Variants in RSU1 observed in about 807,000 individuals in gnomAD.
RSU1 encodes the protein Ras suppressor protein 1.
A neutral mutation model predicts 31.1 loss-of-function variants in RSU1; 26 were observed. That is an observed-to-expected ratio of 0.84 (90% CI 0.61 to 1.16). RSU1 has a LOEUF of 1.16. Ranked by LOEUF, RSU1 falls within the 50% of genes most tolerant of loss-of-function variation. RSU1 has a pLI of 0.00. For missense variants in RSU1, 320 were observed against 339.1 expected (o/e 0.94, Z 0.44); for synonymous variants, 164 against 136.3 (o/e 1.20, Z -1.41).
intron 8 of RSU1, among the ~76,000 whole-genome samples, chr10:16,688,644 A>T (rs1373896462): frequency 6.6e-6 from 1 of 152,198 alleles, no homozygotes; most frequent in African/African-American, 2.4e-5. Context: ...TGTACCATTT[A>T]TGAAGAAAAT....
At chr10:16,814,805 T>C (rs1838492151) in intron 2 of RSU1, among the ~76,000 whole-genome samples, 1 of 148,646 alleles carries the variant, frequency 6.7e-6, no homozygotes, top group African/African-American at 2.5e-5. Context: ...CACCCAATGT[T>C]ATACCGGAAA....
intron 7 of RSU1, among the ~76,000 whole-genome samples, chr10:16,717,697 A>T (rs2131586246): frequency 6.6e-6 from 1 of 152,350 alleles, no homozygotes; most frequent in East Asian, 1.9e-4. Flanking sequence ...AGCACAGACC[A>T]AGGACATAAA....
chr10:16,593,408 C>T lies in RSU1; in HGVS notation c.820G>A (p.Ala274Thr). 1 of 1,614,114 alleles carries T rather than the reference C, an allele frequency of 6.2e-7. No homozygotes were observed. Among genetic ancestry groups the T allele is most frequent in the Non-Finnish European group, 8.5e-7 (1 of 1,180,012 alleles). Residue 274 changes from alanine to threonine, a missense_variant, in exon 9 of 9, where the codon GCC (alanine) becomes ACC (threonine). Transcript: ENST00000345264. ...CAATCCCTTCCTTATCTGTTCTTGG[C>T]TGCCAGGGGTTTCCGGCTGATCTTT... ...SKKISRKPLA[A>T]KNR
intron 8 of RSU1, among the ~76,000 whole-genome samples, chr10:16,675,511 C>G (rs1835210897): frequency 6.6e-6 from 1 of 152,128 alleles, no homozygotes; most frequent in African/African-American, 2.4e-5. Context: ...GGGGAACTTC[C>G]TGAGCTTACA....
chr10:16,658,260 G>C (rs1834826798), intron 8 of RSU1, among the ~76,000 whole-genome samples: 1 of 152,122 alleles, frequency 6.6e-6, no homozygotes, highest in African/African-American at 2.4e-5. Context: ...TATTCCTTAA[G>C]GTTCTCTTTT....
chr10:16,772,160 C>A (rs552989589), intron 3 of RSU1, among the ~76,000 whole-genome samples: 1 of 152,120 alleles, frequency 6.6e-6, no homozygotes, highest in South Asian at 2.1e-4. Context: ...AAATCAATTA[C>A]GTGAAAATTA....
chr10:16,764,706 G>A (rs1837278198), intron 3 of RSU1, among the ~76,000 whole-genome samples, 196 bp from the exon 4 acceptor site: 1 of 152,142 alleles, frequency 6.6e-6, no homozygotes, highest in South Asian at 2.1e-4. Flanking sequence ...CTGCTTAAAT[G>A]CTTCTTCATA....
Position 16,785,479 on chromosome 10 carries a change from T to TACATATATACATATATATATAC in RSU1, c.110-3417_110-3396dup, listed in dbSNP as rs1220483220. On this transcript the variant is annotated intron_variant, in intron 2 of 8. Coordinates refer to ENST00000345264, the MANE Select transcript of RSU1 (RefSeq NM_012425.4). ...ATATACATATATATATACACATATATACATATATACATATATATATACACA... is the reference window on the plus strand; with the variant it reads ...ATATACATATATATATACACATATATACATATATACATATATATATACACATATATACATATATATATACACA... Among the ~76,000 whole-genome samples the TACATATATACATATATATATAC allele has an allele frequency of 1.2e-3, 168 of 137,826 alleles. 5 individuals are homozygous for TACATATATACATATATATATAC. Among genetic ancestry groups the TACATATATACATATATATATAC allele is most frequent in the African/African-American group, 4.3e-3 (153 of 35,964 alleles). The allele number at this position is 137,826 out of a possible 152,430, so 90.4% of individuals were successfully genotyped here.
At chr10:16,706,199 G>C (rs944135587) in intron 7 of RSU1, among the ~76,000 whole-genome samples, 9 of 152,176 alleles carry the variant, frequency 5.9e-5, no homozygotes, top group African/African-American at 2.2e-4. Flanking sequence ...AATTTTTCGA[G>C]AAACTGTCAT....
At position 16,705,082 on chromosome 10, in the gene RSU1, T is replaced by C. The variant is rs553263735; in HGVS notation, c.599-9927A>G. ...CACCATTCCGCTTATCTCTGTGATT[T>C]TGACTGTTCTAAGTATCTCATATAC... On this transcript the variant is annotated intron_variant, in intron 7 of 8. Transcript: ENST00000345264. Among the ~76,000 whole-genome samples, 8 of 152,352 alleles carry C rather than the reference T, an allele frequency of 5.3e-5. No homozygotes were observed. In the East Asian group the frequency reaches 9.6e-4, roughly 18 times the overall value.
At chr10:16,732,594 T>G (rs1399622496) in intron 7 of RSU1, among the ~76,000 whole-genome samples, 1 of 152,230 alleles carries the variant, frequency 6.6e-6, no homozygotes, top group African/African-American at 2.4e-5. Context: ...TTCTGCTGTC[T>G]AAGTCACCCA....
chr10:16,640,189 C>G (rs1358890170), intron 8 of RSU1, among the ~76,000 whole-genome samples: 2 of 152,084 alleles, frequency 1.3e-5, no homozygotes, highest in Non-Finnish European at 1.5e-5. Context: ...GGACTCTGGT[C>G]ATTTAGAATT....
intron 8 of RSU1, among the ~76,000 whole-genome samples, chr10:16,619,240 C>A (rs575878424): frequency 1.3e-5 from 2 of 152,344 alleles, no homozygotes; most frequent in African/African-American, 4.8e-5. Context: ...ATATTCTATG[C>A]CTTCTGCCAG....
At chr10:16,795,038 A>G (rs1242809291) in intron 2 of RSU1, among the ~76,000 whole-genome samples, 1 of 152,246 alleles carries the variant, frequency 6.6e-6, no homozygotes, top group African/African-American at 2.4e-5. Flanking sequence ...AGCACTTTAC[A>G]TATGTGTTCA....
At chr10:16,810,651 G>A (rs1838388803) in intron 2 of RSU1, among the ~76,000 whole-genome samples, 1 of 152,218 alleles carries the variant, frequency 6.6e-6, no homozygotes, top group Non-Finnish European at 1.5e-5. Flanking sequence ...AGACCACTGA[G>A]AAGTACCATC....
intron 4 of RSU1, among the ~76,000 whole-genome samples, chr10:16,763,045 T>A (rs1020588655): frequency 1.3e-5 from 2 of 151,338 alleles, no homozygotes; most frequent in East Asian, 3.9e-4. Context: ...CTGGCCAGCA[T>A]CTATTGCCAC....
At chr10:16,604,264 A>G (rs1833761837) in intron 8 of RSU1, among the ~76,000 whole-genome samples, 1 of 152,198 alleles carries the variant, frequency 6.6e-6, no homozygotes. Flanking sequence ...GTCACCCAAA[A>G]TAACACCAGC....
At chr10:16,595,153 G>A (rs1027746420) in intron 8 of RSU1, among the ~76,000 whole-genome samples, 3 of 152,150 alleles carry the variant, frequency 2.0e-5, no homozygotes, top group African/African-American at 7.2e-5. Context: ...CTGGCCCCAA[G>A]CAATCCTCCT....
At chr10:16,617,295 T>C (rs1017608502) in intron 8 of RSU1, among the ~76,000 whole-genome samples, 1 of 152,156 alleles carries the variant, frequency 6.6e-6, no homozygotes, top group Non-Finnish European at 1.5e-5. Flanking sequence ...GAAGGAACTC[T>C]TCAAGGAGAA....
Sources: allele counts gnomAD v4.1 joint callset (sites outside exome capture counted in the v4.1 genomes callset), GRCh38; gene constraint gnomAD v4.1.1; transcripts MANE v1.5; gene names NCBI Gene and HGNC (gene_info 2026-07-23, HGNC 2026-07-21).